CFAP54: variants seen among roughly 807,000 people sequenced by gnomAD.
CFAP54 encodes cilia and flagella associated protein 54.
In CFAP54, 290 loss-of-function variants were observed where a neutral mutation model predicts 370.4. That is an observed-to-expected ratio of 0.78 (90% confidence interval 0.71 to 0.86). The LOEUF is 0.86. Ranked by LOEUF, CFAP54 falls within the 40% of genes least tolerant of loss-of-function variation. The pLI, the probability that CFAP54 is intolerant of heterozygous loss-of-function variation, is 0.00. For missense variants in CFAP54, 3,399 were observed against 3,528.7 expected (o/e 0.96, Z 0.93); for synonymous variants, 1,206 against 1,236.5 (o/e 0.98, Z 0.52).
intron 12 of CFAP54, among the ~76,000 whole-genome samples, chr12:96,537,634 G>T (rs116134431): frequency 6.6e-6 from 1 of 152,062 alleles, no homozygotes; most frequent in African/African-American, 2.4e-5. Flanking sequence ...GAGCCGCTGC[G>T]CCTGTCCAAT....
intron 48 of CFAP54, among the ~76,000 whole-genome samples, chr12:96,716,248 G>T (rs980458860): frequency 1.3e-5 from 2 of 152,104 alleles, no homozygotes; most frequent in Non-Finnish European, 2.9e-5. Context: ...CCATAAATGC[G>T]GATAAGAGAT....
At chr12:96,713,410 T>G (rs1448585869) in intron 48 of CFAP54, among the ~76,000 whole-genome samples, 1 of 152,008 alleles carries the variant, frequency 6.6e-6, no homozygotes, top group Non-Finnish European at 1.5e-5. Context: ...GAGGACATTA[T>G]GTTAAGTGAA....
At chr12:96,533,502 T>G (rs1955464314) in intron 9 of CFAP54, among the ~76,000 whole-genome samples, 1 of 152,198 alleles carries the variant, frequency 6.6e-6, no homozygotes, top group Non-Finnish European at 1.5e-5. Context: ...GTTTCCAACC[T>G]GTATCTAGGA....
intron 2 of CFAP54, among the ~76,000 whole-genome samples, chr12:96,503,296 C>T (rs1955052973): frequency 1.4e-5 from 2 of 144,198 alleles, no homozygotes; most frequent in African/African-American, 5.2e-5. Flanking sequence ...CCCTTCTCTT[C>T]CCTTTTCTTT....
chr12:96,853,000 G>T (rs1029682551), intron 66 of CFAP54, among the ~76,000 whole-genome samples: 1 of 152,058 alleles, frequency 6.6e-6, no homozygotes, highest in Non-Finnish European at 1.5e-5. Context: ...ACTGGAGCTG[G>T]TGGAAAATAT....
intron 14 of CFAP54, among the ~76,000 whole-genome samples, chr12:96,544,708 G>T (rs529672219): frequency 6.0e-4 from 91 of 152,260 alleles, no homozygotes; most frequent in Non-Finnish European, 1.1e-3. Flanking sequence ...TCCATTTTCT[G>T]TTACTTAGAA....
At chr12:96,655,667 A>AT (rs563987863) in intron 36 of CFAP54, among the ~76,000 whole-genome samples, 319 of 152,082 alleles carry the variant, frequency 2.1e-3, no homozygotes, top group African/African-American at 7.2e-3. Context: ...AAACAATCTG[A>AT]TTTTTTTTAA....
At chr12:96,848,494 C>T (rs980325549) in intron 66 of CFAP54, among the ~76,000 whole-genome samples, 8 of 152,064 alleles carry the variant, frequency 5.3e-5, no homozygotes, top group Admixed American at 6.6e-5. Flanking sequence ...GTCAAGAGAT[C>T]GAGACCATCC....
chr12:96,631,860 G>A (rs1956611927), intron 32 of CFAP54, among the ~76,000 whole-genome samples: 1 of 151,414 alleles, frequency 6.6e-6, no homozygotes, highest in Non-Finnish European at 1.5e-5. Flanking sequence ...GTCTCCTTAT[G>A]TATGTGTGAG....
rs557953092 is a variant in CFAP54 at position 96,727,675 on chromosome 12, C to T, written c.6965+7110C>T. 4.0e-3 allele frequency among the ~76,000 whole-genome samples: 604 copies of T among 152,048 alleles called. 6 individuals carry two copies. The highest frequency in any genetic ancestry group is 0.014 in the African/African-American group (566 of 41,446). On this transcript the variant is annotated intron_variant, in intron 50 of 67. Coordinates refer to ENST00000524981, the MANE Select transcript of CFAP54 (RefSeq NM_001306084.2). ...TTAATTGGAGCACTTAGTCCATTTACATTTAAAGTTAATATTGTTATGTGT... is the reference window on the plus strand; with the variant it reads ...TTAATTGGAGCACTTAGTCCATTTATATTTAAAGTTAATATTGTTATGTGT...
At chr12:96,560,963 C>A (rs1256574958) in intron 17 of CFAP54, among the ~76,000 whole-genome samples, 3 of 152,208 alleles carry the variant, frequency 2.0e-5, no homozygotes, top group Admixed American at 6.5e-5. Flanking sequence ...GCTGTCCCTG[C>A]TTTGCCTCTT....
At chr12:96,491,840 A>G (rs1954888314) in intron 1 of CFAP54, among the ~76,000 whole-genome samples, 1 of 152,252 alleles carries the variant, frequency 6.6e-6, no homozygotes, top group South Asian at 2.1e-4. Context: ...GCTTACTGCA[A>G]CCTCTGCCTC....
chr12:96,562,821 A>G (rs1046814950), intron 17 of CFAP54, among the ~76,000 whole-genome samples: 13 of 152,132 alleles, frequency 8.5e-5, no homozygotes, highest in African/African-American at 3.1e-4. Context: ...AAACATTTAC[A>G]TAGTTTCAAA....
At chr12:96,651,227 T>G (rs1443581550) in intron 35 of CFAP54, among the ~76,000 whole-genome samples, 1 of 152,202 alleles carries the variant, frequency 6.6e-6, no homozygotes, top group African/African-American at 2.4e-5. Flanking sequence ...ATGTCTACTT[T>G]TCTAGTGTCC....
chr12:96,601,457 A>T (rs1234417616), intron 26 of CFAP54, among the ~76,000 whole-genome samples: 5 of 152,212 alleles, frequency 3.3e-5, no homozygotes, highest in African/African-American at 1.2e-4. Context: ...TATCAGCATG[A>T]TGCTGACCTC....
chr12:96,664,110 G>A (rs1482103464), intron 39 of CFAP54, among the ~76,000 whole-genome samples, 178 bp downstream of exon 39: 1 of 152,144 alleles, frequency 6.6e-6, no homozygotes, highest in Non-Finnish European at 1.5e-5. Context: ...TGTTACTTAA[G>A]GGGGATTAAA....
rs1408091875 is a variant in CFAP54 at position 96,495,253 on chromosome 12, CTTCCTTCCT to C, written c.317+5329_317+5337del. Among the ~76,000 whole-genome samples the C allele has an allele frequency of 6.2e-4, 31 of 50,216 alleles. No homozygotes were observed. In the South Asian group the frequency reaches 8.5e-3, roughly 14 times the overall value. 32.9% of individuals were successfully genotyped at this position (50,216 alleles called of 152,430 possible). ...CTTTTCTTTTCTCCTTCCTTCCTTC[CTTCCTTCCT>C]TCCTTCCTTCCTTCCTTCCTTCCTT... On this transcript the variant is annotated intron_variant, in intron 1 of 67. Coordinates refer to ENST00000524981, the MANE Select transcript of CFAP54 (RefSeq NM_001306084.2).
In CFAP54 at chr12:96,651,825, C is replaced by CCAAAAAAAAA; in HGVS notation, c.5100+10_5100+11insCAAAAAAAAA. ...TACCAGTTCTATTAAGGTAAAGACA[C>CCAAAAAAAAA]TTTGGTAATTATTTTTATTATATTC... is the stretch of plus-strand genomic sequence containing the variant. On this transcript the variant is annotated intron_variant, in intron 36 of 67. Transcript: ENST00000524981. The CCAAAAAAAAA allele has an allele frequency of 6.7e-7, 1 of 1,493,586 alleles. No homozygotes were observed. The highest frequency in any genetic ancestry group is 1.2e-5 in the South Asian group (1 of 86,528). 92.5% of individuals were successfully genotyped at this position (1,493,586 alleles called of 1,614,324 possible).
At chr12:96,833,508 G>GTGTA (rs1491587511) in intron 66 of CFAP54, among the ~76,000 whole-genome samples, 2 of 1,342 alleles carry the variant, frequency 1.5e-3, no homozygotes, top group Admixed American at 8.3e-3. Flanking sequence ...ACACGCGTAC[G>GTGTA]TGTGTGTGTG....
Sources: allele counts gnomAD v4.1 joint callset (sites outside exome capture counted in the v4.1 genomes callset), GRCh38; gene constraint gnomAD v4.1.1; transcripts MANE v1.5; gene names NCBI Gene and HGNC (gene_info 2026-07-23, HGNC 2026-07-21).